The following AK8 variants were observed in gnomAD, a reference collection of about 807,000 sequenced individuals.
The protein encoded by AK8 is ATP-AMP transphosphorylase 8.
A neutral mutation model predicts 54.6 loss-of-function variants in AK8; 44 were observed. The observed-to-expected ratio is 0.81, with a 90% CI of 0.63 to 1.04. AK8 has a LOEUF of 1.04. AK8 is among the 50% of genes least tolerant of loss of function. AK8 has a pLI of 0.00. For synonymous variants in AK8, 239 were observed against 245.6 expected, an observed-to-expected ratio of 0.97 and a Z score of 0.25; for missense variants, 555 against 613.6, an observed-to-expected ratio of 0.90 and a Z score of 1.01.
chr9:132,853,369 AAAAG>A (rs1396440761), intron 5 of AK8, among the ~76,000 whole-genome samples: 6 of 151,506 alleles, frequency 4.0e-5, no homozygotes, highest in Admixed American at 6.6e-5. Context: ...AAAAAAAAAA[AAAAG>A]AAAAGAAAAG....
At position 132,878,108 on chromosome 9, in the gene AK8, C is replaced by A; in HGVS notation, c.84+64G>T. ...CAGCTGCGGGTCCCGGCCGCGCACC[C>A]GACGTCGCAGTGGAGGCTCCCGAGC... On this transcript the variant is annotated intron_variant, in intron 1 of 12. Transcript: ENST00000298545. This position sits in a 1 kb window ranked among gnomAD's most constrained non-coding sequence, Gnocchi z 4.7. The A allele has an allele frequency of 1.3e-6, 2 of 1,549,736 alleles. No homozygotes were observed. Among genetic ancestry groups the A allele is most frequent in the African/African-American group, 1.4e-5 (1 of 72,948 alleles).
chr9:132,728,107 C>A (rs376842533), intron 11 of AK8, among the ~76,000 whole-genome samples: 1 of 152,318 alleles, frequency 6.6e-6, no homozygotes. Flanking sequence ...TCATGGGGAG[C>A]AAACCCAGGC....
chr9:132,810,315 C>T (rs549139718), intron 10 of AK8, among the ~76,000 whole-genome samples: 5 of 152,116 alleles, frequency 3.3e-5, no homozygotes, highest in Admixed American at 6.5e-5. Flanking sequence ...ATCCGGGTCT[C>T]GCTAACTTTA....
At chr9:132,833,846 T>G (rs1842209198) in intron 5 of AK8, among the ~76,000 whole-genome samples, 1 of 152,250 alleles carries the variant, frequency 6.6e-6, no homozygotes. Context: ...CCCTCCTGAC[T>G]ATTATTAAAG....
At chr9:132,822,267 A>G (rs1437186821) in intron 9 of AK8, among the ~76,000 whole-genome samples, 1 of 122,772 alleles carries the variant, frequency 8.1e-6, no homozygotes, top group Non-Finnish European at 1.7e-5. Context: ...GTATGTATAT[A>G]CAAATATATA....
chr9:132,753,103 C>T (rs1369425737), intron 11 of AK8, among the ~76,000 whole-genome samples: 4 of 152,210 alleles, frequency 2.6e-5, no homozygotes, highest in South Asian at 2.1e-4. Flanking sequence ...AACTGGGCTC[C>T]GAGCTGATCA....
At chr9:132,841,767 C>T (rs1842555511) in intron 5 of AK8, among the ~76,000 whole-genome samples, 1 of 152,130 alleles carries the variant, frequency 6.6e-6, no homozygotes, top group African/African-American at 2.4e-5. Context: ...GGGATTCATC[C>T]ACCAGGTGTG....
intron 11 of AK8, among the ~76,000 whole-genome samples, chr9:132,765,541 A>G (rs1838692585): frequency 1.3e-5 from 2 of 152,244 alleles, no homozygotes; most frequent in South Asian, 4.1e-4. Flanking sequence ...GCTACTCGGG[A>G]GGCTGAGGTG....
intron 5 of AK8, among the ~76,000 whole-genome samples, chr9:132,849,514 T>C (rs2771994): frequency 0.56 from 85,403 of 152,074 alleles, 26,636 homozygotes; most frequent in East Asian, 0.8. Flanking sequence ...CGATTTAGAA[T>C]AGCCTCTGGG....
At chr9:132,743,226 C>T (rs1837478489) in intron 11 of AK8, among the ~76,000 whole-genome samples, 1 of 152,262 alleles carries the variant, frequency 6.6e-6, no homozygotes, top group Admixed American at 6.5e-5. Context: ...CACCCACGTG[C>T]CTCTGCTCGC....
At chr9:132,731,058 G>A (rs1040001374) in intron 11 of AK8, among the ~76,000 whole-genome samples, 8 of 152,242 alleles carry the variant, frequency 5.3e-5, no homozygotes, top group Admixed American at 3.3e-4. Context: ...CCTGAAAGAC[G>A]GATCCCAAAT....
chr9:132,858,495 G>T (rs2131396321), intron 4 of AK8, among the ~76,000 whole-genome samples: 1 of 152,360 alleles, frequency 6.6e-6, no homozygotes, highest in East Asian at 1.9e-4. Flanking sequence ...CTGCTCAGAA[G>T]TTGTGGGCAT....
chr9:132,799,816 T>A lies in AK8; in HGVS notation c.980-7041A>T, dbSNP rs1051715160. Among the ~76,000 whole-genome samples the A allele has an allele frequency of 8.5e-5, 13 of 152,168 alleles. No homozygotes were observed. Among genetic ancestry groups the A allele is most frequent in the Non-Finnish European group, 1.2e-4 (8 of 68,032 alleles). On this transcript the variant is annotated intron_variant, in intron 10 of 12. Coordinates refer to ENST00000298545, the MANE Select transcript of AK8 (RefSeq NM_152572.3). This position sits in a 1 kb window ranked among gnomAD's most constrained non-coding sequence, Gnocchi z 5.0. Reference sequence around the variant, plus strand: ...CTGCCCGGTGTAACTTCTTTCCTTCTTCAAGCCCTCCTTGAAATTGATGTC... The same window carrying A: ...CTGCCCGGTGTAACTTCTTTCCTTCATCAAGCCCTCCTTGAAATTGATGTC...
At chr9:132,795,677 G>A (rs215189) in intron 10 of AK8, among the ~76,000 whole-genome samples, 26,703 of 151,948 alleles carry the variant, frequency 0.18, 2,628 homozygotes, top group East Asian at 0.42. Flanking sequence ...TACGGTCTAC[G>A]CAGCAAGCCT....
chr9:132,792,562 C>T (rs373757655), intron 11 of AK8, 72 bp downstream of exon 11: 1 of 1,500,850 alleles, frequency 6.7e-7, no homozygotes, highest in Non-Finnish European at 8.9e-7. Context: ...ACCTGGACCC[C>T]TTCAGCTGAG....
intron 5 of AK8, among the ~76,000 whole-genome samples, chr9:132,846,239 A>T (rs1242029239): frequency 6.6e-6 from 1 of 152,198 alleles, no homozygotes; most frequent in African/African-American, 2.4e-5. Flanking sequence ...GTATCCAGAC[A>T]CCCACCCTGG....
chr9:132,782,119 C>T (rs559958580), intron 11 of AK8, among the ~76,000 whole-genome samples: 1 of 152,238 alleles, frequency 6.6e-6, no homozygotes, highest in South Asian at 2.1e-4. Context: ...ATTTTCACTC[C>T]GTGGTGAACG....
At position 132,733,396 on chromosome 9, in the gene AK8, G is replaced by A. The variant is rs376311474; in HGVS notation, c.1122-5862C>T. On this transcript the variant is annotated intron_variant, in intron 11 of 12. Coordinates refer to ENST00000298545, the MANE Select transcript of AK8 (RefSeq NM_152572.3). ...ACGGCGGCTGGCGGCTCTGGATGCC[G>A]ACGCCAGTAGAAAGGAAGCCGGTTT... 1.7e-4 allele frequency among the ~76,000 whole-genome samples: 26 copies of A among 152,304 alleles called. No homozygotes were observed. In the East Asian group the frequency reaches 2.7e-3, roughly 16 times the overall value.
At chr9:132,783,510 A>C (rs1588126232) in intron 11 of AK8, among the ~76,000 whole-genome samples, 2 of 152,086 alleles carry the variant, frequency 1.3e-5, no homozygotes, top group Admixed American at 1.3e-4. Context: ...GATTTACAGA[A>C]TATATCCATC....
Sources: allele counts gnomAD v4.1 joint callset (sites outside exome capture counted in the v4.1 genomes callset), GRCh38; gene constraint gnomAD v4.1.1; non-coding constraint Gnocchi (gnomAD v3.1); transcripts MANE v1.5; gene names NCBI Gene and HGNC (gene_info 2026-07-23, HGNC 2026-07-21).